The following SLC39A11 variants were observed in gnomAD, a reference collection of about 807,000 sequenced individuals.
SLC39A11 encodes zinc transporter ZIP11.
Under a neutral mutation model 36.1 loss-of-function variants are expected in SLC39A11, and 33 were observed. The observed-to-expected ratio is 0.91, with a 90% CI of 0.69 to 1.22. The LOEUF is 1.22. Ranked by LOEUF, SLC39A11 falls within the 50% of genes most tolerant of loss-of-function variation. SLC39A11 has a pLI of 0.00. For synonymous variants in SLC39A11, 166 were observed against 170.3 expected, an observed-to-expected ratio of 0.97 and a Z score of 0.20; for missense variants, 432 against 430.3, an observed-to-expected ratio of 1.00 and a Z score of -0.03.
At chr17:72,811,712 G>A (rs1399930011) in intron 6 of SLC39A11, among the ~76,000 whole-genome samples, 6 of 152,156 alleles carry the variant, frequency 3.9e-5, no homozygotes, top group Non-Finnish European at 8.8e-5. Context: ...AAAATTCTTT[G>A]TCCACTTGGG....
At chr17:72,943,549 G>A (rs994737136) in intron 5 of SLC39A11, among the ~76,000 whole-genome samples, 5 of 152,126 alleles carry the variant, frequency 3.3e-5, no homozygotes, top group South Asian at 2.1e-4. Flanking sequence ...TACGGCTTAC[G>A]CTTCCCTGAC....
chr17:72,748,376 T>A (rs544165883), intron 6 of SLC39A11, among the ~76,000 whole-genome samples: 1 of 152,118 alleles, frequency 6.6e-6, no homozygotes, highest in African/African-American at 2.4e-5. Flanking sequence ...TTAAGAAATA[T>A]TGACAATTGA....
At chr17:72,870,778 T>C (rs2080570567) in intron 5 of SLC39A11, among the ~76,000 whole-genome samples, 1 of 152,250 alleles carries the variant, frequency 6.6e-6, no homozygotes. Context: ...TGAGCCTATG[T>C]TATCCTTCAT....
At chr17:72,815,600 A>G (rs1049439871) in intron 6 of SLC39A11, among the ~76,000 whole-genome samples, 4 of 139,142 alleles carry the variant, frequency 2.9e-5, no homozygotes, top group East Asian at 2.2e-4. Flanking sequence ...CTGGGCAACA[A>G]GAGCGAAACT....
intron 5 of SLC39A11, among the ~76,000 whole-genome samples, chr17:72,852,433 G>A (rs1473230764): frequency 6.6e-6 from 1 of 152,064 alleles, no homozygotes; most frequent in Non-Finnish European, 1.5e-5. Context: ...TCCTCCACTG[G>A]TCAGTAGCCC....
At chr17:72,857,649 T>C (rs997070074) in intron 5 of SLC39A11, among the ~76,000 whole-genome samples, 7 of 152,232 alleles carry the variant, frequency 4.6e-5, no homozygotes, top group Non-Finnish European at 1.0e-4. Context: ...CAGCATCTGT[T>C]ATTCTTTGAC....
chr17:72,965,497 T>C (rs1486361642), intron 4 of SLC39A11, among the ~76,000 whole-genome samples: 1 of 152,230 alleles, frequency 6.6e-6, no homozygotes, highest in African/African-American at 2.4e-5. Context: ...TCATGAGGTA[T>C]TCAACACCTT....
intron 4 of SLC39A11, among the ~76,000 whole-genome samples, chr17:72,997,635 T>G (rs903116482): frequency 1.3e-5 from 2 of 152,232 alleles, no homozygotes; most frequent in African/African-American, 4.8e-5. Context: ...CCAAAAATAT[T>G]AAATGGAAAA....
intron 7 of SLC39A11, 83 bp downstream of exon 7, chr17:72,736,566 CA>C: frequency 8.3e-7 from 1 of 1,209,600 alleles, no homozygotes. Context: ...CAATAATGCA[CA>C]GACAGCCCAC....
At chr17:72,783,756 G>A (rs2076402053) in intron 6 of SLC39A11, among the ~76,000 whole-genome samples, 1 of 152,180 alleles carries the variant, frequency 6.6e-6, no homozygotes, top group African/African-American at 2.4e-5. Context: ...GCAAAGGTGA[G>A]GGAACGGGAA....
At position 72,658,007 on chromosome 17, in the gene SLC39A11, G is replaced by A. The variant is rs551739268; in HGVS notation, c.672-8739C>T. Reference sequence around the variant, plus strand: ...ATCCAGGAACTGGGCAGGCACGGCAGAAGCAGAAGGGATGGCCTCCCTGTA... The same window carrying A: ...ATCCAGGAACTGGGCAGGCACGGCAAAAGCAGAAGGGATGGCCTCCCTGTA... On this transcript the variant is annotated intron_variant, in intron 7 of 9. Coordinates refer to ENST00000255559, the MANE Select transcript of SLC39A11 (RefSeq NM_139177.4). Among the ~76,000 whole-genome samples, 212 of 152,350 alleles carry A rather than the reference G, an allele frequency of 1.4e-3. 2 individuals are homozygous for A. Among genetic ancestry groups the A allele is most frequent in the African/African-American group, 4.7e-3 (195 of 41,584 alleles).
At chr17:73,064,880 C>T (rs1307666740) in intron 3 of SLC39A11, among the ~76,000 whole-genome samples, 1 of 152,184 alleles carries the variant, frequency 6.6e-6, no homozygotes, top group Non-Finnish European at 1.5e-5. Context: ...CCATACTTGG[C>T]AGAGGGGGGA....
chr17:72,765,940 A>G (rs1322325470), intron 6 of SLC39A11, among the ~76,000 whole-genome samples: 1 of 152,180 alleles, frequency 6.6e-6, no homozygotes, highest in African/African-American at 2.4e-5. Flanking sequence ...GGGCCAGCTG[A>G]GTAATGATCT....
chr17:72,999,615 T>C (rs1189756083), intron 4 of SLC39A11, among the ~76,000 whole-genome samples: 2 of 152,214 alleles, frequency 1.3e-5, no homozygotes, highest in Non-Finnish European at 2.9e-5. Context: ...TTTAGTGCAC[T>C]GGGGATTGCA....
chr17:73,087,732 G>A (rs1027178328), intron 2 of SLC39A11, among the ~76,000 whole-genome samples: 3 of 152,112 alleles, frequency 2.0e-5, no homozygotes, highest in African/African-American at 4.8e-5. Context: ...GTGGGGCCAT[G>A]ACAGTGAGTG....
At chr17:73,017,903 C>T (rs2058220910) in intron 4 of SLC39A11, among the ~76,000 whole-genome samples, 2 of 151,970 alleles carry the variant, frequency 1.3e-5, no homozygotes, top group Non-Finnish European at 2.9e-5. Flanking sequence ...TGCTATGAGG[C>T]CTGGAAAAGA....
intron 6 of SLC39A11, among the ~76,000 whole-genome samples, chr17:72,814,769 A>C (rs376823232): frequency 6.6e-6 from 1 of 152,234 alleles, no homozygotes; most frequent in South Asian, 2.1e-4. Context: ...GTCATCCACA[A>C]TGCATCCTGC....
intron 6 of SLC39A11, among the ~76,000 whole-genome samples, chr17:72,773,644 T>TACACACACACACAC (rs550889404): frequency 5.1e-5 from 4 of 78,842 alleles, no homozygotes; most frequent in African/African-American, 2.7e-4. Context: ...GAGACCATCT[T>TACACACACACACAC]ACACACACAC....
At chr17:72,723,365 C>A (rs2073789490) in intron 7 of SLC39A11, among the ~76,000 whole-genome samples, 1 of 141,024 alleles carries the variant, frequency 7.1e-6, no homozygotes, top group Non-Finnish European at 1.5e-5. Context: ...TGCAGCCTAG[C>A]TGTCAGGAGG....
Sources: gnomAD v4.1 joint callset for allele counts (sites outside exome capture counted in the v4.1 genomes callset) on GRCh38, gnomAD v4.1.1 for gene constraint, MANE v1.5 for transcripts, NCBI Gene and HGNC (gene_info 2026-07-23, HGNC 2026-07-21) for gene names.